The following ENOX1 variants were observed in gnomAD, a reference collection of about 807,000 sequenced individuals.
The protein encoded by ENOX1 is ecto-NOX disulfide-thiol exchanger 1.
Under a neutral mutation model 82.5 loss-of-function variants are expected in ENOX1, and 42 were observed. The observed-to-expected ratio is 0.51, with a 90% CI of 0.40 to 0.66. The LOEUF (loss-of-function observed/expected upper bound fraction) is 0.66. Among genes scored for constraint, ENOX1 ranks in the 30% least tolerant of loss-of-function variants. ENOX1 has a pLI of 0.00. For synonymous variants in ENOX1, 271 were observed against 282.2 expected (o/e 0.96, Z 0.40); for missense variants, 608 against 811.6 (o/e 0.75, Z 3.05).
chr13:43,608,813 A>T (rs2082079212), intron 2 of ENOX1, among the ~76,000 whole-genome samples: 1 of 152,214 alleles, frequency 6.6e-6, no homozygotes, highest in South Asian at 2.1e-4. Context: ...AGTGAGGTAT[A>T]CAGGTAGCAA....
rs1237728483 is a variant in ENOX1 at position 43,359,138 on chromosome 13, G to A, written c.589+713C>T. Among the ~76,000 whole-genome samples the A allele has an allele frequency of 2.6e-5, 4 of 152,162 alleles. No individual in the cohort carries two copies. The South Asian group carries it at 6.2e-4, about 24-fold the overall frequency. ...ATCAGCTTTGCCTCAGGAATAGGGA[G>A]GTGAAATGCAGAGGGACAGACTGAA... On this transcript the variant is annotated intron_variant, in intron 7 of 16. Transcript: ENST00000690772.
Position 43,615,013 on chromosome 13 carries a change from GAGA to G in ENOX1, c.-219+52463_-219+52465del, listed in dbSNP as rs2082347963. Among the ~76,000 whole-genome samples, 12 of 152,160 alleles carry G rather than the reference GAGA, an allele frequency of 7.9e-5. No individual in the cohort carries two copies. In the South Asian group the frequency reaches 2.5e-3, roughly 32 times the overall value. ...GGTATAAAATTTGAATATATTTTGA[GAGA>G]AGACTGTGGAATTTGGTGGGGGATG... On this transcript the variant is annotated intron_variant, in intron 2 of 16. Coordinates refer to ENST00000690772, the MANE Select transcript of ENOX1 (RefSeq NM_001347969.2).
intron 12 of ENOX1, among the ~76,000 whole-genome samples, chr13:43,297,346 G>A (rs1053811286): frequency 6.6e-6 from 1 of 151,266 alleles, no homozygotes; most frequent in African/African-American, 2.4e-5. Context: ...ATGGATGGGG[G>A]AATTAAAAAA....
At chr13:43,612,206 C>A (rs1481106336) in intron 2 of ENOX1, among the ~76,000 whole-genome samples, 1 of 152,114 alleles carries the variant, frequency 6.6e-6, no homozygotes, top group African/African-American at 2.4e-5. Flanking sequence ...AGGAGCCAGG[C>A]AAGCTCTTTT....
intron 2 of ENOX1, among the ~76,000 whole-genome samples, chr13:43,630,846 C>CATATAT (rs750617533): frequency 3.6e-5 from 5 of 139,466 alleles, no homozygotes; most frequent in Non-Finnish European, 7.8e-5. Flanking sequence ...CACACACACA[C>CATATAT]ATATATATAT....
Position 43,488,011 on chromosome 13 carries a change from T to C in ENOX1, c.-218-3859A>G, listed in dbSNP as rs117234043. ...ATAGTTCCTCTGGATACATTCATTT[T>C]GCAAGGGCTCACTAAGCCACACTAC... On this transcript the variant is annotated intron_variant, in intron 2 of 16. Coordinates refer to ENST00000690772, the MANE Select transcript of ENOX1 (RefSeq NM_001347969.2). 8.7e-3 allele frequency among the ~76,000 whole-genome samples: 1,318 copies of C among 152,322 alleles called. 11 individuals carry two copies. Among genetic ancestry groups the C allele is most frequent in the Non-Finnish European group, 0.014 (976 of 68,032 alleles).
intron 11 of ENOX1, among the ~76,000 whole-genome samples, chr13:43,299,666 C>A (rs1252849842): frequency 6.6e-6 from 1 of 152,104 alleles, no homozygotes; most frequent in African/African-American, 2.4e-5. Flanking sequence ...GTCTCACATT[C>A]CCCCACCAAC....
intron 10 of ENOX1, among the ~76,000 whole-genome samples, chr13:43,324,828 G>T (rs1466522396): frequency 6.6e-6 from 1 of 152,148 alleles, no homozygotes; most frequent in African/African-American, 2.4e-5. Context: ...TTAAGCGAAG[G>T]TGAGAAGTTG....
chr13:43,412,959 G>A lies in ENOX1; in HGVS notation c.-45C>T, dbSNP rs368369211. On this transcript the variant is annotated 5_prime_UTR_variant, in exon 4 of 17. Coordinates refer to ENST00000690772, the MANE Select transcript of ENOX1 (RefSeq NM_001347969.2). ...GGGGCAGGAACACTTTGATGGCTGA[G>A]TGCAGGGTCCCCTCGGAGGTCATCA... 4 of 1,611,728 alleles carry A rather than the reference G, an allele frequency of 2.5e-6. No individual in the cohort carries two copies. Among genetic ancestry groups the A allele is most frequent in the South Asian group, 2.2e-5 (2 of 90,656 alleles).
At chr13:43,290,349 A>T (rs1161133778) in intron 12 of ENOX1, among the ~76,000 whole-genome samples, 1 of 151,438 alleles carries the variant, frequency 6.6e-6, no homozygotes, top group Non-Finnish European at 1.5e-5. Context: ...GATAAATTTG[A>T]TAAGGAAGAT....
At chr13:43,240,227 G>A (rs1307592112) in intron 14 of ENOX1, among the ~76,000 whole-genome samples, 1 of 152,120 alleles carries the variant, frequency 6.6e-6, no homozygotes, top group East Asian at 1.9e-4. Flanking sequence ...TACATCACAT[G>A]CCTACTATAT....
intron 1 of ENOX1, among the ~76,000 whole-genome samples, chr13:43,673,603 T>A (rs961110864): frequency 1.3e-5 from 2 of 152,216 alleles, no homozygotes; most frequent in South Asian, 2.1e-4. Context: ...AACCCAGTAA[T>A]GAAATTGAGG....
intron 9 of ENOX1, among the ~76,000 whole-genome samples, chr13:43,338,725 A>G (rs897206182): frequency 7.7e-4 from 91 of 117,828 alleles, no homozygotes; most frequent in African/African-American, 2.7e-3. Context: ...TCGCTCTGTC[A>G]CCCAGGCTGG....
intron 2 of ENOX1, among the ~76,000 whole-genome samples, chr13:43,637,564 T>C (rs369369642): frequency 5.8e-4 from 88 of 152,092 alleles, no homozygotes; most frequent in African/African-American, 2.0e-3. Flanking sequence ...TAGTTGCAGA[T>C]ACTGATACAG....
intron 3 of ENOX1, among the ~76,000 whole-genome samples, chr13:43,474,318 GT>G (rs1212225840): frequency 6.6e-6 from 1 of 152,100 alleles, no homozygotes; most frequent in Non-Finnish European, 1.5e-5. Context: ...TCTCTCCCTA[GT>G]TCACCCTAAT....
At chr13:43,227,149 G>A (rs2042063388) in intron 15 of ENOX1, among the ~76,000 whole-genome samples, 1 of 152,146 alleles carries the variant, frequency 6.6e-6, no homozygotes. Flanking sequence ...GGGAGAGGTT[G>A]ATAACCCTTA....
intron 15 of ENOX1, among the ~76,000 whole-genome samples, chr13:43,231,133 C>T (rs2042259947): frequency 6.6e-6 from 1 of 152,184 alleles, no homozygotes. Flanking sequence ...TGCAGATGAA[C>T]AGCTGTGTCT....
Position 43,356,005 on chromosome 13 carries a change from T to C in ENOX1, c.737A>G (p.Glu246Gly). The stretch of plus-strand genomic sequence containing the variant: ...GGATGGGGGCCTGAGCCGGTCCTCC[T>C]CCAGCTTGCGCCGGTGCCGCTCCTC... Reference protein sequence around the residue: ...AREERHRRKLEEDRLRPPSPP... With the variant: ...AREERHRRKLGEDRLRPPSPP... Residue 246 changes from glutamate to glycine, a missense_variant, in exon 8 of 17, where the codon GAG (glutamate) becomes GGG (glycine). Coordinates refer to ENST00000690772, the MANE Select transcript of ENOX1 (RefSeq NM_001347969.2). 1 of 1,614,022 alleles carries C rather than the reference T, an allele frequency of 6.2e-7. No homozygotes were observed. The highest frequency in any genetic ancestry group is 8.5e-7 in the Non-Finnish European group (1 of 1,180,036).
chr13:43,504,664 A>T (rs1205552616), intron 2 of ENOX1, among the ~76,000 whole-genome samples: 1 of 151,700 alleles, frequency 6.6e-6, no homozygotes, highest in Non-Finnish European at 1.5e-5. Context: ...GGCCAGAGGA[A>T]GGGCAAAATG....
Sources: gnomAD v4.1 joint callset for allele counts (sites outside exome capture counted in the v4.1 genomes callset) on GRCh38, gnomAD v4.1.1 for gene constraint, MANE v1.5 for transcripts, NCBI Gene and HGNC (gene_info 2026-07-23, HGNC 2026-07-21) for gene names.